ACOT7: variants seen among roughly 807,000 people sequenced by gnomAD.
ACOT7 encodes acyl-CoA thioesterase 7.
Under a neutral mutation model 40.2 loss-of-function variants are expected in ACOT7, and 12 were observed. The observed-to-expected ratio is 0.30, with a 90% CI of 0.19 to 0.48. ACOT7 has a LOEUF of 0.48. Ranked by LOEUF, ACOT7 falls within the 20% of genes least tolerant of loss-of-function variation. ACOT7 has a pLI of 0.99. For synonymous variants in ACOT7, 228 were observed against 219.5 expected, an observed-to-expected ratio of 1.04 and a Z score of -0.34; for missense variants, 395 against 530.8, an observed-to-expected ratio of 0.74 and a Z score of 2.51.
Position 6,352,625 on chromosome 1 carries a change from T to C in ACOT7, c.144-2759A>G. The stretch of plus-strand genomic sequence containing the variant: ...TTTTTTTTTTGAGACGGCGTCTCGC[T>C]CTGTCTCCCAGGCTGGAGTGCAGTG... On this transcript the variant is annotated intron_variant, in intron 1 of 8. Transcript: ENST00000361521. This position sits in a 1 kb window ranked among gnomAD's most constrained non-coding sequence, Gnocchi z 4.5. Among the ~76,000 whole-genome samples the C allele has an allele frequency of 6.6e-6, 1 of 151,160 alleles. No individual in the cohort carries two copies. The highest frequency in any genetic ancestry group is 2.4e-5 in the African/African-American group (1 of 40,936).
intron 8 of ACOT7, among the ~76,000 whole-genome samples, chr1:6,267,929 G>T (rs569844514): frequency 6.6e-6 from 1 of 152,278 alleles, no homozygotes; most frequent in South Asian, 2.1e-4. Context: ...GAGTTGCGGG[G>T]ACCAAATTTC....
rs774464491 is a variant in ACOT7 at position 6,318,588 on chromosome 1, C to A, written c.626-10G>T. ...CTGACAGTGTTCGGCTCTGGAATTG[C>A]AAAAGAGAGAGATTAGTTATGGGGT... On this transcript the variant is annotated splice_polypyrimidine_tract_variant and intron_variant, in intron 5 of 8. Coordinates refer to ENST00000361521, the MANE Select transcript of ACOT7 (RefSeq NM_007274.4). The A allele has an allele frequency of 1.2e-6, 2 of 1,613,424 alleles. No individual in the cohort carries two copies. The highest frequency in any genetic ancestry group is 1.7e-5 in the Admixed American group (1 of 59,966).
chr1:6,305,564 G>C (rs1461672782), intron 6 of ACOT7, among the ~76,000 whole-genome samples: 1 of 151,410 alleles, frequency 6.6e-6, no homozygotes, highest in Non-Finnish European at 1.5e-5. Context: ...GGGCGGCCGG[G>C]CAGAGACGCT....
At chr1:6,371,727 T>C (rs868031719) in intron 1 of ACOT7, among the ~76,000 whole-genome samples, 9 of 152,034 alleles carry the variant, frequency 5.9e-5, no homozygotes, top group Admixed American at 2.0e-4. Context: ...TTATCTTCTT[T>C]CAACAGAAAG....
intron 5 of ACOT7, among the ~76,000 whole-genome samples, chr1:6,323,740 ATATATATATAT>A (rs1640722896): frequency 1.3e-5 from 1 of 77,976 alleles, no homozygotes; most frequent in Non-Finnish European, 2.3e-5. Context: ...AAAAAAAAAT[ATATATATATAT>A]ATATATATAT....
rs563164212 is a variant in ACOT7 at position 6,318,791 on chromosome 1, A to G, written c.626-213T>C. On this transcript the variant is annotated intron_variant, in intron 5 of 8. Transcript: ENST00000361521. The stretch of plus-strand genomic sequence containing the variant: ...TCAAGGATTCATGACCCATTCTGTT[A>G]GTGGGCCATGACGAGACTCTCTGGG... Among the ~76,000 whole-genome samples, 11 of 152,146 alleles carry G rather than the reference A, an allele frequency of 7.2e-5. No individual in the cohort carries two copies. The East Asian group carries it at 1.9e-3, about 27-fold the overall frequency.
intron 8 of ACOT7, among the ~76,000 whole-genome samples, chr1:6,280,565 G>A (rs1639326163): frequency 6.6e-6 from 1 of 152,112 alleles, no homozygotes; most frequent in Admixed American, 6.5e-5. Context: ...GAAAGGCCAA[G>A]GGGCTGGGAC....
rs1642422100 is a variant in ACOT7, at chr1:6,385,534, T to C, written c.143+7723A>G. On this transcript the variant is annotated intron_variant, in intron 1 of 8. Coordinates refer to ENST00000361521, the MANE Select transcript of ACOT7 (RefSeq NM_007274.4). ...GCTCCACAGGGTGGGAGATCAGCCC[T>C]GGGCCCAACCACCTGGACGGGAGCG... is the stretch of plus-strand genomic sequence containing the variant. The C allele has an allele frequency of 3.1e-6, 5 of 1,612,336 alleles. No individual in the cohort carries two copies. Among genetic ancestry groups the C allele is most frequent in the African/African-American group, 1.3e-5 (1 of 75,024 alleles).
chr1:6,314,312 C>T (rs2148417120), intron 6 of ACOT7, among the ~76,000 whole-genome samples: 1 of 152,228 alleles, frequency 6.6e-6, no homozygotes, highest in South Asian at 2.1e-4. Context: ...ACAGGAGCTA[C>T]CCCTGCAGGA....
intron 1 of ACOT7, among the ~76,000 whole-genome samples, chr1:6,357,621 A>C (rs1641782820): frequency 6.6e-6 from 1 of 152,224 alleles, no homozygotes. Context: ...AGCTTCCTTC[A>C]GGAGCTCAGC....
chr1:6,363,198 G>C (rs375594117), intron 1 of ACOT7, among the ~76,000 whole-genome samples: 2 of 152,174 alleles, frequency 1.3e-5, no homozygotes, highest in Non-Finnish European at 2.9e-5. Flanking sequence ...AGACAAGTGC[G>C]AGCCTTCTGT....
intron 6 of ACOT7, among the ~76,000 whole-genome samples, chr1:6,316,616 C>G (rs1057220336): frequency 3.3e-5 from 5 of 152,216 alleles, no homozygotes; most frequent in African/African-American, 7.2e-5. Flanking sequence ...TTGAGACCAG[C>G]CTGGCCAACA....
In ACOT7 at chr1:6,330,676, T is replaced by C. The variant is rs1640931373; in HGVS notation, c.510+2801A>G. ...GAGGCGAGGCTAACAGGGGCCACGC[T>C]GAAAGCACCCTGTCCCTGCAGCGAG... On this transcript the variant is annotated intron_variant, in intron 4 of 8. Coordinates refer to ENST00000361521, the MANE Select transcript of ACOT7 (RefSeq NM_007274.4). This position sits in a 1 kb window ranked among gnomAD's most constrained non-coding sequence, Gnocchi z 4.6. Among the ~76,000 whole-genome samples, 1 of 152,086 alleles carries C rather than the reference T, an allele frequency of 6.6e-6. No homozygotes were observed. Among genetic ancestry groups the C allele is most frequent in the Non-Finnish European group, 1.5e-5 (1 of 68,012 alleles).
intron 4 of ACOT7, among the ~76,000 whole-genome samples, chr1:6,328,383 G>A (rs536715789): frequency 6.6e-6 from 1 of 152,260 alleles, no homozygotes; most frequent in East Asian, 1.9e-4. Context: ...AGCACAGGCC[G>A]GGCATGGTGG....
chr1:6,275,458 C>T lies in ACOT7; in HGVS notation c.1014+5644G>A, dbSNP rs372705963. On this transcript the variant is annotated intron_variant, in intron 8 of 8. Coordinates refer to ENST00000361521, the MANE Select transcript of ACOT7 (RefSeq NM_007274.4). The surrounding 1 kb of genome is among the most constrained non-coding windows in gnomAD (Gnocchi z 5.6). ...TAAAGATGGCCACAGCTAGGCCAGG[C>T]GCGGTAGCTCACGCCTGTAATCCTA... 6.6e-6 allele frequency among the ~76,000 whole-genome samples: 1 copy of T among 152,156 alleles called. No individual in the cohort carries two copies. Among genetic ancestry groups the T allele is most frequent in the African/African-American group, 2.4e-5 (1 of 41,440 alleles).
chr1:6,385,956 C>A (rs1642434351), intron 1 of ACOT7: 1 of 701,762 alleles, frequency 1.4e-6, no homozygotes, highest in East Asian at 3.3e-5. Context: ...AGGGCCACCA[C>A]CCCTCTGCGG....
chr1:6,385,671 C>T (rs377549870), intron 1 of ACOT7: 6 of 1,610,628 alleles, frequency 3.7e-6, no homozygotes, highest in African/African-American at 1.3e-5. Context: ...CTTCATCCTG[C>T]GGTAAGTGGG....
At chr1:6,374,844 C>T (rs565678131) in intron 1 of ACOT7, among the ~76,000 whole-genome samples, 1 of 152,272 alleles carries the variant, frequency 6.6e-6, no homozygotes, top group Non-Finnish European at 1.5e-5. Flanking sequence ...GGAACAACCA[C>T]GTCAAGAGTC....
intron 1 of ACOT7, among the ~76,000 whole-genome samples, chr1:6,375,180 G>C (rs758642458): frequency 4.6e-5 from 7 of 151,088 alleles, no homozygotes; most frequent in South Asian, 2.1e-4. Flanking sequence ...GGAGAATGGC[G>C]GGAACCCAGG....
Sources: allele counts gnomAD v4.1 joint callset (sites outside exome capture counted in the v4.1 genomes callset), GRCh38; gene constraint gnomAD v4.1.1; non-coding constraint Gnocchi (gnomAD v3.1); transcripts MANE v1.5; gene names NCBI Gene and HGNC (gene_info 2026-07-23, HGNC 2026-07-21).